Variants in GPC6 observed in about 807,000 individuals in gnomAD.
GPC6 encodes glypican-6.
In GPC6, 14 loss-of-function variants were observed where a neutral mutation model predicts 55.2. That is an observed-to-expected ratio of 0.25 (90% CI 0.17 to 0.40). GPC6 has a LOEUF of 0.40. Ranked by LOEUF, GPC6 falls within the 10% of genes least tolerant of loss-of-function variation. The pLI is 1.00. For missense variants in GPC6, 641 were observed against 708.5 expected (o/e 0.90, Z 1.08); for synonymous variants, 278 against 259.6 (o/e 1.07, Z -0.68).
At chr13:93,287,545 A>G (rs961441442) in intron 1 of GPC6, among the ~76,000 whole-genome samples, 1 of 152,244 alleles carries the variant, frequency 6.6e-6, no homozygotes, top group Non-Finnish European at 1.5e-5. Flanking sequence ...TGAAGAACTT[A>G]TCATCACTTC....
chr13:93,602,109 A>G (rs902562872), intron 2 of GPC6, among the ~76,000 whole-genome samples: 2 of 152,222 alleles, frequency 1.3e-5, no homozygotes, highest in African/African-American at 2.4e-5. Flanking sequence ...AGGGAAAGGT[A>G]CATTGTCAGT....
intron 1 of GPC6, among the ~76,000 whole-genome samples, chr13:93,457,814 T>C (rs771681289): frequency 6.6e-5 from 10 of 151,272 alleles, no homozygotes; most frequent in Non-Finnish European, 1.3e-4. Flanking sequence ...CCTTCATCCA[T>C]GTATCTGTCG....
intron 2 of GPC6, among the ~76,000 whole-genome samples, chr13:93,606,334 C>T (rs1878238849): frequency 6.6e-6 from 1 of 152,140 alleles, no homozygotes; most frequent in African/African-American, 2.4e-5. Context: ...TTAAGCAGTT[C>T]AAAGTCTATC....
At chr13:94,030,523 T>C (rs548833991) in intron 4 of GPC6, among the ~76,000 whole-genome samples, 1 of 152,316 alleles carries the variant, frequency 6.6e-6, no homozygotes, top group East Asian at 1.9e-4. Flanking sequence ...TCCACACAGA[T>C]ACATCTCAGA....
intron 2 of GPC6, among the ~76,000 whole-genome samples, chr13:93,561,426 T>TATATATATATATATATATATA (rs61094312): frequency 5.9e-4 from 84 of 143,392 alleles, no homozygotes; most frequent in African/African-American, 9.2e-4. Context: ...TATATATATA[T>TATATATATATATATATATATA]TTGTTGCAGT....
intron 1 of GPC6, among the ~76,000 whole-genome samples, chr13:93,491,646 G>A (rs1381030159): frequency 3.2e-4 from 46 of 144,220 alleles, no homozygotes; most frequent in Non-Finnish European, 6.0e-5. Flanking sequence ...GGGTTTTTAT[G>A]GTTTTAGGTC....
chr13:93,495,843 AG>A (rs1880244317), intron 1 of GPC6, among the ~76,000 whole-genome samples: 1 of 147,292 alleles, frequency 6.8e-6, no homozygotes, highest in Admixed American at 6.9e-5. Context: ...CTCGGGGGTC[AG>A]GGGTCAGGGA....
At chr13:94,333,208 T>C (rs1179323428) in intron 6 of GPC6, among the ~76,000 whole-genome samples, 1 of 152,226 alleles carries the variant, frequency 6.6e-6, no homozygotes, top group Non-Finnish European at 1.5e-5. Flanking sequence ...TTCCACTTCA[T>C]TTCTAACTTT....
chr13:93,595,847 T>C (rs1418536054), intron 2 of GPC6, among the ~76,000 whole-genome samples: 2 of 152,232 alleles, frequency 1.3e-5, no homozygotes, highest in Non-Finnish European at 2.9e-5. Flanking sequence ...AATTATTTTG[T>C]CTTTCAGCAG....
intron 1 of GPC6, among the ~76,000 whole-genome samples, chr13:93,526,766 AAGAGCCAATC>A (rs1231295918): frequency 6.6e-6 from 1 of 152,120 alleles, no homozygotes; most frequent in African/African-American, 2.4e-5. Flanking sequence ...CTTACTTTGA[AAGAGCCAATC>A]TGATAAATTA....
intron 3 of GPC6, among the ~76,000 whole-genome samples, chr13:93,891,390 A>G (rs1189345933): frequency 6.6e-6 from 1 of 152,066 alleles, no homozygotes; most frequent in Non-Finnish European, 1.5e-5. Flanking sequence ...CCTCAGGAGA[A>G]ATTACCTTTA....
chr13:93,294,573 C>G (rs919046320), intron 1 of GPC6, among the ~76,000 whole-genome samples: 7 of 152,038 alleles, frequency 4.6e-5, no homozygotes, highest in African/African-American at 1.7e-4. Context: ...GTATGCTTGG[C>G]ACTCAGTACA....
chr13:93,747,618 C>A (rs1216536550), intron 2 of GPC6, among the ~76,000 whole-genome samples: 1 of 152,146 alleles, frequency 6.6e-6, no homozygotes, highest in African/African-American at 2.4e-5. Context: ...CTGTTTTTCA[C>A]TTTTAGGGCA....
chr13:93,582,792 G>C (rs548003742), intron 2 of GPC6, among the ~76,000 whole-genome samples: 1 of 152,300 alleles, frequency 6.6e-6, no homozygotes, highest in South Asian at 2.1e-4. Flanking sequence ...CTGTCAGGCA[G>C]GTGGACTGTC....
At chr13:93,498,534 G>A (rs1056837596) in intron 1 of GPC6, among the ~76,000 whole-genome samples, 9 of 152,122 alleles carry the variant, frequency 5.9e-5, no homozygotes, top group African/African-American at 1.4e-4. Context: ...GGTCTTTCTT[G>A]TGCTACTCTC....
intron 4 of GPC6, among the ~76,000 whole-genome samples, chr13:94,150,311 C>A (rs534384310): frequency 6.6e-6 from 1 of 152,198 alleles, no homozygotes; most frequent in African/African-American, 2.4e-5. Flanking sequence ...GACTGATATC[C>A]TTTTCCCCCC....
chr13:93,620,849 C>A (rs1167598238), intron 2 of GPC6, among the ~76,000 whole-genome samples: 1 of 152,036 alleles, frequency 6.6e-6, no homozygotes, highest in African/African-American at 2.4e-5. Context: ...CACCTTAGAC[C>A]TTTTCTTCAT....
chr13:93,989,076 T>C (rs1439244181), intron 3 of GPC6, among the ~76,000 whole-genome samples: 5 of 152,136 alleles, frequency 3.3e-5, no homozygotes, highest in Non-Finnish European at 7.4e-5. Context: ...TTTCATACAA[T>C]TGGAAAAAAA....
intron 2 of GPC6, among the ~76,000 whole-genome samples, chr13:93,590,135 G>A (rs371707300): frequency 9.2e-5 from 14 of 152,224 alleles, no homozygotes; most frequent in East Asian, 5.8e-4. Flanking sequence ...GTAATCACCA[G>A]GGAATTTATT....
Sources: gnomAD v4.1 joint callset for allele counts (sites outside exome capture counted in the v4.1 genomes callset) on GRCh38, gnomAD v4.1.1 for gene constraint, MANE v1.5 for transcripts, NCBI Gene and HGNC (gene_info 2026-07-23, HGNC 2026-07-21) for gene names.